The following PKHD1 variants were observed in gnomAD, a reference collection of about 807,000 sequenced individuals.
PKHD1 encodes the protein fibrocystin.
PKHD1 carries 291 observed loss-of-function variants against 412.0 expected under a neutral mutation model. The ratio of observed to expected loss-of-function variants is 0.71; its 90% confidence interval spans 0.64 to 0.78. PKHD1 has a LOEUF of 0.78. Among genes scored for constraint, PKHD1 ranks in the 30% least tolerant of loss-of-function variants. The pLI, the probability that PKHD1 is intolerant of heterozygous loss-of-function variation, is 0.00. For missense variants in PKHD1, 4,825 were observed against 4,950.7 expected, an observed-to-expected ratio of 0.97 and a Z score of 0.76; for synonymous variants, 1,777 against 1,821.5, an observed-to-expected ratio of 0.98 and a Z score of 0.62.
chr6:52,062,817 T>C (rs1036150542), intron 13 of PKHD1, among the ~76,000 whole-genome samples, 157 bp from the exon 14 acceptor site: 2 of 152,218 alleles, frequency 1.3e-5, no homozygotes, highest in African/African-American at 4.8e-5. Context: ...AAAGGTTCTG[T>C]AGTTAATATG....
intron 19 of PKHD1, among the ~76,000 whole-genome samples, chr6:52,054,563 C>T (rs376653652): frequency 9.2e-5 from 14 of 152,152 alleles, no homozygotes; most frequent in African/African-American, 3.4e-4. Flanking sequence ...ACTCTAACTC[C>T]CCAGCATCCT....
At chr6:51,995,132 G>A (rs1403372031) in intron 35 of PKHD1, among the ~76,000 whole-genome samples, 1 of 152,012 alleles carries the variant, frequency 6.6e-6, no homozygotes, top group Non-Finnish European at 1.5e-5. Flanking sequence ...ATTTCCTTAT[G>A]TTCTCACCCC....
At chr6:51,917,912 GTTT>G (rs973782471) in intron 37 of PKHD1, among the ~76,000 whole-genome samples, 5 of 152,156 alleles carry the variant, frequency 3.3e-5, no homozygotes, top group Admixed American at 6.6e-5. Context: ...TTGTGAAACT[GTTT>G]TAAGCCCATA....
At chr6:51,671,769 C>G (rs188809736) in intron 60 of PKHD1, among the ~76,000 whole-genome samples, 2 of 152,120 alleles carry the variant, frequency 1.3e-5, no homozygotes, top group African/African-American at 4.8e-5. Context: ...TTCTAACAGA[C>G]AGGACCCTCA....
chr6:51,679,670 G>A (rs906712537), intron 60 of PKHD1, among the ~76,000 whole-genome samples: 15 of 152,124 alleles, frequency 9.9e-5, no homozygotes, highest in African/African-American at 3.4e-4. Context: ...CAAGCAGGAT[G>A]TTTCGGGAGG....
chr6:51,628,680 C>G, intron 65 of PKHD1, among the ~76,000 whole-genome samples: 1 of 152,198 alleles, frequency 6.6e-6, no homozygotes, highest in East Asian at 1.9e-4. Context: ...AACTAATTTA[C>G]ATTCCCACCA....
At chr6:51,922,721 A>T (rs1358764793) in intron 37 of PKHD1, among the ~76,000 whole-genome samples, 1 of 152,178 alleles carries the variant, frequency 6.6e-6, no homozygotes, top group Admixed American at 6.5e-5. Flanking sequence ...GTGAGCAAGG[A>T]TCCATGGGCA....
chr6:51,994,436 A>G (rs1368613553), intron 35 of PKHD1, among the ~76,000 whole-genome samples: 1 of 152,168 alleles, frequency 6.6e-6, no homozygotes, highest in African/African-American at 2.4e-5. Context: ...CGCCCAGCCC[A>G]GAACACTTTT....
rs543642276 is a variant in PKHD1 at position 51,973,086 on chromosome 6, C to T, written c.5752-13060G>A. Among the ~76,000 whole-genome samples the T allele has an allele frequency of 1.6e-4, 25 of 152,238 alleles. No individual in the cohort carries two copies. In the South Asian group the frequency reaches 3.1e-3, roughly 19 times the overall value. On this transcript the variant is annotated intron_variant, in intron 35 of 66. Transcript: ENST00000371117. ...AGCAGGTGGTAACATAACTTAAATACCCCAGTGATTAAAAATAAACCATCC... is the reference window on the plus strand; with the variant it reads ...AGCAGGTGGTAACATAACTTAAATATCCCAGTGATTAAAAATAAACCATCC...
At chr6:51,864,667 T>C (rs1022298016) in intron 48 of PKHD1, among the ~76,000 whole-genome samples, 1 of 152,038 alleles carries the variant, frequency 6.6e-6, no homozygotes, top group Admixed American at 6.6e-5. Flanking sequence ...AGTTTTAGAG[T>C]AGCCACACTA....
intron 48 of PKHD1, among the ~76,000 whole-genome samples, chr6:51,856,839 C>G (rs1324189941): frequency 1.3e-5 from 2 of 152,230 alleles, no homozygotes; most frequent in African/African-American, 2.4e-5. Context: ...ATCCTCTGCC[C>G]TGGCACAGGG....
At chr6:51,770,047 G>A (rs966033877) in intron 55 of PKHD1, among the ~76,000 whole-genome samples, 1 of 150,426 alleles carries the variant, frequency 6.6e-6, no homozygotes, top group Non-Finnish European at 1.5e-5. Context: ...TATTTTTTAG[G>A]GTAAAGGAGT....
At chr6:51,856,986 G>A (rs541435858) in intron 48 of PKHD1, among the ~76,000 whole-genome samples, 1 of 152,320 alleles carries the variant, frequency 6.6e-6, no homozygotes, top group South Asian at 2.1e-4. Context: ...ACGTTCAGAA[G>A]AACTGCATTT....
At chr6:51,867,799 C>T (rs183247466) in intron 48 of PKHD1, 64 bp downstream of exon 48, 10 of 1,468,650 alleles carry the variant, frequency 6.8e-6, no homozygotes, top group Middle Eastern at 1.7e-4. Context: ...CTATAAGCCT[C>T]GACAGCCAGA....
At chr6:51,640,473 G>T (rs1253750247) in intron 63 of PKHD1, among the ~76,000 whole-genome samples, 1 of 152,010 alleles carries the variant, frequency 6.6e-6, no homozygotes, top group Non-Finnish European at 1.5e-5. Flanking sequence ...ATTACTCCAG[G>T]GTTCATCATA....
intron 35 of PKHD1, among the ~76,000 whole-genome samples, chr6:51,972,717 T>A (rs1340838635): frequency 6.6e-6 from 1 of 152,218 alleles, no homozygotes; most frequent in Non-Finnish European, 1.5e-5. Flanking sequence ...TCAAATGCAT[T>A]GTTCCCTTTA....
intron 60 of PKHD1, among the ~76,000 whole-genome samples, chr6:51,698,472 A>G (rs1415503098): frequency 6.6e-6 from 1 of 152,222 alleles, no homozygotes; most frequent in African/African-American, 2.4e-5. Context: ...ATGCTTTACA[A>G]GAAAGAGTTA....
intron 29 of PKHD1, among the ~76,000 whole-genome samples, chr6:52,028,675 C>G (rs1802590622): frequency 6.6e-6 from 1 of 152,116 alleles, no homozygotes; most frequent in African/African-American, 2.4e-5. Context: ...CCACACCCAG[C>G]TAATTTTTGT....
chr6:52,062,474 G>T (rs777449599), intron 14 of PKHD1, 45 bp downstream of exon 14: 30 of 1,609,148 alleles, frequency 1.9e-5, no homozygotes, highest in Non-Finnish European at 2.6e-5. Flanking sequence ...ACCTAGGTTA[G>T]CAAAGGTGCT....
Sources: gnomAD v4.1 joint callset for allele counts (sites outside exome capture counted in the v4.1 genomes callset) on GRCh38, gnomAD v4.1.1 for gene constraint, MANE v1.5 for transcripts, NCBI Gene and HGNC (gene_info 2026-07-23, HGNC 2026-07-21) for gene names.